Variants in NPAS3 observed in about 807,000 individuals in gnomAD.
NPAS3 encodes the protein neuronal PAS domain-containing protein 3.
A neutral mutation model predicts 73.1 loss-of-function variants in NPAS3; 14 were observed. That is an observed-to-expected ratio of 0.19 (90% CI 0.13 to 0.30). NPAS3 has a LOEUF of 0.30. Ranked by LOEUF, NPAS3 falls within the 10% of genes least tolerant of loss-of-function variation. NPAS3 has a pLI of 1.00. For synonymous variants in NPAS3, 620 were observed against 541.5 expected (o/e 1.14, Z -2.01); for missense variants, 1,096 against 1,250.0 (o/e 0.88, Z 1.86).
At chr14:33,685,770 A>T (rs1275796669) in intron 6 of NPAS3, among the ~76,000 whole-genome samples, 1 of 152,142 alleles carries the variant, frequency 6.6e-6, no homozygotes, top group Non-Finnish European at 1.5e-5. Context: ...CTTTTCCTCT[A>T]TGTTCCAGCT....
chr14:33,217,886 A>G (rs1295387717), intron 3 of NPAS3, among the ~76,000 whole-genome samples: 1 of 152,188 alleles, frequency 6.6e-6, no homozygotes, highest in Non-Finnish European at 1.5e-5. Flanking sequence ...CCTTCTGTCT[A>G]GTGCTCTATC....
chr14:33,669,849 C>T (rs956643824), intron 5 of NPAS3, among the ~76,000 whole-genome samples: 2 of 152,154 alleles, frequency 1.3e-5, no homozygotes, highest in African/African-American at 2.4e-5. Context: ...CACATCTTAA[C>T]GTTCAGAACT....
chr14:33,383,186 T>C (rs563080735), intron 4 of NPAS3, among the ~76,000 whole-genome samples: 73 of 152,102 alleles, frequency 4.8e-4, no homozygotes, highest in African/African-American at 1.6e-3. Context: ...GTTTCATGTA[T>C]GTCTTAGTTT....
chr14:33,030,588 A>T (rs911627764), intron 1 of NPAS3, among the ~76,000 whole-genome samples: 7 of 152,142 alleles, frequency 4.6e-5, no homozygotes, highest in South Asian at 4.1e-4. Context: ...GATATGAGCT[A>T]TTCACCCAGA....
chr14:33,281,003 A>G (rs1402323760), intron 3 of NPAS3, among the ~76,000 whole-genome samples: 1 of 152,212 alleles, frequency 6.6e-6, no homozygotes, highest in East Asian at 1.9e-4. Context: ...GAAACAAGTT[A>G]TTGACTTTTG....
chr14:33,493,386 T>C (rs886961483), intron 4 of NPAS3, among the ~76,000 whole-genome samples: 1 of 151,872 alleles, frequency 6.6e-6, no homozygotes. Context: ...TTGTCTTGTC[T>C]CTGTGCTGCT....
intron 3 of NPAS3, among the ~76,000 whole-genome samples, chr14:33,307,593 ATGTG>A (rs10528551): frequency 5.0e-5 from 7 of 138,946 alleles, no homozygotes; most frequent in Non-Finnish European, 1.1e-4. Flanking sequence ...TTTTTTTTCA[ATGTG>A]TGTGTGTGTG....
intron 5 of NPAS3, among the ~76,000 whole-genome samples, chr14:33,572,042 A>ATTT (rs1225677173): frequency 1.3e-5 from 2 of 152,160 alleles, no homozygotes; most frequent in African/African-American, 4.8e-5. Flanking sequence ...ATAAATACTG[A>ATTT]TTTTATTGAC....
rs140222598 is a variant in NPAS3 at position 33,211,941 on chromosome 14, G to C, written c.141-3241G>C. Among the ~76,000 whole-genome samples the C allele has an allele frequency of 5.5e-4, 83 of 152,216 alleles. No individual in the cohort carries two copies. In the East Asian group the frequency reaches 0.012, roughly 22 times the overall value. On this transcript the variant is annotated intron_variant, in intron 2 of 11. Coordinates refer to ENST00000356141, the Ensembl canonical transcript of NPAS3. ...GGGTCTGAAGTTTAATCGTATTTTA[G>C]ATGGCAGAGATCTGCACTATAACAT...
At chr14:33,615,313 C>T (rs1160605604) in intron 5 of NPAS3, among the ~76,000 whole-genome samples, 7 of 152,082 alleles carry the variant, frequency 4.6e-5, no homozygotes, top group Admixed American at 4.6e-4. Context: ...TTCAATTTGG[C>T]TGCAGTGCAG....
intron 2 of NPAS3, among the ~76,000 whole-genome samples, chr14:33,184,985 G>C (rs559271395): frequency 1.1e-3 from 169 of 152,224 alleles, no homozygotes; most frequent in Non-Finnish European, 2.0e-3. Flanking sequence ...TCTTGTGACT[G>C]TTATCCAGTT....
At chr14:33,186,550 G>A (rs2045980523) in intron 2 of NPAS3, among the ~76,000 whole-genome samples, 1 of 152,116 alleles carries the variant, frequency 6.6e-6, no homozygotes, top group Non-Finnish European at 1.5e-5. Context: ...CATGATGATA[G>A]CTCAAGTTCT....
At chr14:33,528,634 G>A (rs779044826) in intron 4 of NPAS3, among the ~76,000 whole-genome samples, 29 of 151,938 alleles carry the variant, frequency 1.9e-4, no homozygotes, top group African/African-American at 6.3e-4. Context: ...TCTTCCCAGC[G>A]CCTGCTTAAC....
At chr14:33,737,729 TA>T in intron 7 of NPAS3, among the ~76,000 whole-genome samples, 1 of 152,302 alleles carries the variant, frequency 6.6e-6, no homozygotes, top group East Asian at 1.9e-4. Flanking sequence ...CACAGCTGAA[TA>T]ACATCCCTAT....
At chr14:33,078,721 G>C (rs1325344847) in intron 2 of NPAS3, among the ~76,000 whole-genome samples, 1 of 152,078 alleles carries the variant, frequency 6.6e-6, no homozygotes, top group Non-Finnish European at 1.5e-5. Flanking sequence ...ATTTAAGATT[G>C]GGTAGAAGAA....
At chr14:33,022,832 A>T (rs1299381452) in intron 1 of NPAS3, among the ~76,000 whole-genome samples, 8 of 152,106 alleles carry the variant, frequency 5.3e-5, no homozygotes, top group African/African-American at 1.9e-4. Context: ...CATCAAAATC[A>T]TGACAGCTTT....
At chr14:33,295,488 A>G (rs1400196237) in intron 3 of NPAS3, among the ~76,000 whole-genome samples, 1 of 152,188 alleles carries the variant, frequency 6.6e-6, no homozygotes. Flanking sequence ...AATGAGGCAA[A>G]TCATACTCCT....
At chr14:33,522,437 T>A (rs1415788611) in intron 4 of NPAS3, among the ~76,000 whole-genome samples, 1 of 151,560 alleles carries the variant, frequency 6.6e-6, no homozygotes, top group Non-Finnish European at 1.5e-5. Flanking sequence ...AATGTTCCTC[T>A]CCAAATAACT....
At chr14:33,619,924 C>T (rs755531341) in intron 5 of NPAS3, among the ~76,000 whole-genome samples, 17 of 152,152 alleles carry the variant, frequency 1.1e-4, no homozygotes, top group Non-Finnish European at 2.4e-4. Context: ...GTCTTGTGAT[C>T]CCATAGGCTG....
Sources: gnomAD v4.1 joint callset for allele counts (sites outside exome capture counted in the v4.1 genomes callset) on GRCh38, gnomAD v4.1.1 for gene constraint, MANE v1.5 for transcripts, NCBI Gene and HGNC (gene_info 2026-07-23, HGNC 2026-07-21) for gene names.